Variants in SEMA3C observed in about 807,000 individuals in gnomAD.
SEMA3C encodes the protein semaphorin-3C.
In SEMA3C, 47 loss-of-function variants were observed where a neutral mutation model predicts 89.4. The observed-to-expected ratio is 0.53, with a 90% CI of 0.42 to 0.67. The LOEUF is 0.67. Among genes scored for constraint, SEMA3C ranks in the 30% least tolerant of loss-of-function variants. The pLI is 0.00. For missense variants in SEMA3C, 839 were observed against 929.1 expected, an observed-to-expected ratio of 0.90 and a Z score of 1.26; for synonymous variants, 310 against 320.2, an observed-to-expected ratio of 0.97 and a Z score of 0.34.
chr7:80,898,056 A>G (rs1227551813), intron 2 of SEMA3C, among the ~76,000 whole-genome samples: 4 of 152,150 alleles, frequency 2.6e-5, no homozygotes, highest in African/African-American at 9.6e-5. Context: ...TCTAAAATAT[A>G]TCGTAGATTA....
chr7:80,751,379 T>C, intron 15 of SEMA3C, 43 bp from the exon 16 acceptor site: 1 of 1,509,348 alleles, frequency 6.6e-7, no homozygotes, highest in Non-Finnish European at 9.2e-7. Flanking sequence ...GAATTATCAC[T>C]GCCAATTACA....
At chr7:80,817,127 T>C (rs1000110650) in intron 5 of SEMA3C, among the ~76,000 whole-genome samples, 8 of 152,208 alleles carry the variant, frequency 5.3e-5, no homozygotes, top group Admixed American at 1.3e-4. Context: ...CCTGTAAGAA[T>C]TGTAATATTT....
At chr7:80,754,138 T>C (rs955053482) in intron 15 of SEMA3C, among the ~76,000 whole-genome samples, 3 of 152,206 alleles carry the variant, frequency 2.0e-5, no homozygotes, top group Admixed American at 6.5e-5. Flanking sequence ...GGTTTCACCA[T>C]GTTGGTCAGG....
chr7:80,912,504 C>CAAGTG (rs1243852544), intron 2 of SEMA3C, among the ~76,000 whole-genome samples: 7 of 152,194 alleles, frequency 4.6e-5, no homozygotes, highest in African/African-American at 1.4e-4. Context: ...GTCCAACTCA[C>CAAGTG]AAGTGAATTC....
chr7:80,852,924 C>T (rs187914582), intron 2 of SEMA3C, among the ~76,000 whole-genome samples: 123 of 152,128 alleles, frequency 8.1e-4, no homozygotes, highest in African/African-American at 2.1e-3. Flanking sequence ...GTGATCCGCC[C>T]GCCTCGGCCT....
chr7:80,814,925 T>C (rs1789562435), intron 5 of SEMA3C, among the ~76,000 whole-genome samples: 1 of 152,130 alleles, frequency 6.6e-6, no homozygotes, highest in African/African-American at 2.4e-5. Context: ...CTACAACTTT[T>C]CCACCCCCCA....
At chr7:80,807,027 C>A (rs1408474389) in intron 6 of SEMA3C, among the ~76,000 whole-genome samples, 1 of 151,726 alleles carries the variant, frequency 6.6e-6, no homozygotes, top group African/African-American at 2.4e-5. Context: ...GTTCTAGGCC[C>A]AGGGAAACAG....
At chr7:80,795,735 CT>C (rs34970152) in intron 11 of SEMA3C, among the ~76,000 whole-genome samples, 1 of 152,126 alleles carries the variant, frequency 6.6e-6, no homozygotes, top group Non-Finnish European at 1.5e-5. Context: ...GTTAAGGTGC[CT>C]TTTAAGTTGT....
At chr7:80,795,145 A>G (rs1200522350) in intron 11 of SEMA3C, among the ~76,000 whole-genome samples, 1 of 152,122 alleles carries the variant, frequency 6.6e-6, no homozygotes, top group African/African-American at 2.4e-5. Flanking sequence ...GAGAAGAGAG[A>G]ATACTTTGGA....
chr7:80,875,272 T>C (rs1291754297), intron 2 of SEMA3C, among the ~76,000 whole-genome samples: 3 of 152,164 alleles, frequency 2.0e-5, no homozygotes, highest in African/African-American at 4.8e-5. Context: ...AATGACTATG[T>C]CTGCATTATT....
chr7:80,840,424 T>C (rs1005569786), intron 2 of SEMA3C, among the ~76,000 whole-genome samples: 2 of 145,810 alleles, frequency 1.4e-5, no homozygotes, highest in African/African-American at 5.1e-5. Context: ...GAGACTGAGG[T>C]AGGAGGATCA....
intron 2 of SEMA3C, among the ~76,000 whole-genome samples, chr7:80,908,336 T>A (rs1486578021): frequency 6.6e-6 from 1 of 152,196 alleles, no homozygotes; most frequent in Non-Finnish European, 1.5e-5. Context: ...GCCAGCTTGG[T>A]GTACTTCACA....
chr7:80,902,106 C>T (rs1310594447), intron 2 of SEMA3C, among the ~76,000 whole-genome samples: 1 of 152,146 alleles, frequency 6.6e-6, no homozygotes, highest in African/African-American at 2.4e-5. Context: ...GTGTGCACCA[C>T]CGCACTCAAC....
At position 80,842,887 on chromosome 7, in the gene SEMA3C, C is replaced by T. The variant is rs1790302233; in HGVS notation, c.104-14142G>A. 2.0e-5 allele frequency among the ~76,000 whole-genome samples: 3 copies of T among 152,040 alleles called. No homozygotes were observed. In the South Asian group the frequency reaches 6.2e-4, roughly 31 times the overall value. On this transcript the variant is annotated intron_variant, in intron 2 of 17. Transcript: ENST00000265361. ...TCATCAGAGACATATAAACTGTATTCCCTAATTTTAAAACTCTGCAAGCTT... is the reference window on the plus strand; with the variant it reads ...TCATCAGAGACATATAAACTGTATTTCCTAATTTTAAAACTCTGCAAGCTT...
At chr7:80,752,614 C>CAAAAAAAAA (rs10660428) in intron 15 of SEMA3C, among the ~76,000 whole-genome samples, 1 of 111,336 alleles carries the variant, frequency 9.0e-6, no homozygotes, top group Admixed American at 1.0e-4. Context: ...GACTCCATCT[C>CAAAAAAAAA]AAAAAAAAAA....
At chr7:80,856,550 A>C (rs1207581517) in intron 2 of SEMA3C, among the ~76,000 whole-genome samples, 1 of 151,238 alleles carries the variant, frequency 6.6e-6, no homozygotes, top group Non-Finnish European at 1.5e-5. Context: ...AAAAAAAAAA[A>C]AAAAAAACTA....
chr7:80,750,469 TATATAC>T (rs1221406099), intron 16 of SEMA3C, among the ~76,000 whole-genome samples: 7,002 of 48,654 alleles, frequency 0.14, 216 homozygotes, highest in Non-Finnish European at 0.19. Flanking sequence ...TATATATATA[TATATAC>T]ACACACACAC....
At chr7:80,872,801 A>ATC (rs1483707772) in intron 2 of SEMA3C, among the ~76,000 whole-genome samples, 2 of 147,226 alleles carry the variant, frequency 1.4e-5, no homozygotes, top group Admixed American at 6.7e-5. Flanking sequence ...CTCTGTCAAA[A>ATC]AAAAAAAAAA....
At chr7:80,897,344 G>A (rs2116178399) in intron 2 of SEMA3C, among the ~76,000 whole-genome samples, 1 of 152,278 alleles carries the variant, frequency 6.6e-6, no homozygotes, top group African/African-American at 2.4e-5. Flanking sequence ...CTTGTTCCTT[G>A]AATAACAAGT....
Sources: gnomAD v4.1 joint callset for allele counts (sites outside exome capture counted in the v4.1 genomes callset) on GRCh38, gnomAD v4.1.1 for gene constraint, MANE v1.5 for transcripts, NCBI Gene and HGNC (gene_info 2026-07-23, HGNC 2026-07-21) for gene names.